Variants in PRDM1 observed in about 807,000 individuals in gnomAD.
PRDM1 encodes the protein PR/SET domain 1.
Under a neutral mutation model 62.8 loss-of-function variants are expected in PRDM1, and 13 were observed. That is an observed-to-expected ratio of 0.21 (90% confidence interval 0.13 to 0.33). The LOEUF (loss-of-function observed/expected upper bound fraction) is 0.33, where lower values mean the gene tolerates loss of function less well. PRDM1 is among the 10% of genes least tolerant of loss of function. PRDM1 has a pLI of 1.00. For missense variants in PRDM1, 895 were observed against 1,058.8 expected (o/e 0.85, Z 2.15); for synonymous variants, 396 against 417.6 (o/e 0.95, Z 0.63).
At chr6:106,010,717 G>A (rs1475340917) in intron 1 of PRDM1, among the ~76,000 whole-genome samples, 1 of 152,136 alleles carries the variant, frequency 6.6e-6, no homozygotes, top group Non-Finnish European at 1.5e-5. Flanking sequence ...ATTCTCTGAA[G>A]CATGACACCG....
intron 1 of PRDM1, among the ~76,000 whole-genome samples, chr6:106,079,616 G>C (rs1027861472): frequency 2.0e-5 from 3 of 152,186 alleles, no homozygotes; most frequent in Non-Finnish European, 2.9e-5. Flanking sequence ...TGGCCAACAT[G>C]GTAAAACCCT....
chr6:106,070,770 T>C (rs1773498882), intron 1 of PRDM1, among the ~76,000 whole-genome samples: 2 of 152,248 alleles, frequency 1.3e-5, no homozygotes, highest in South Asian at 4.1e-4. Flanking sequence ...ATTTGAATAG[T>C]AACCCTATGG....
At chr6:106,005,455 A>C (rs114669110) in intron 1 of PRDM1, among the ~76,000 whole-genome samples, 15 of 152,356 alleles carry the variant, frequency 9.8e-5, no homozygotes, top group African/African-American at 3.6e-4. Flanking sequence ...ATTTTGTTCA[A>C]ATCTTCCAAT....
rs777002137 is a variant in PRDM1, at chr6:106,105,064, C to T, written c.904C>T (p.Arg302Trp). 53 of 1,613,976 alleles carry T rather than the reference C, an allele frequency of 3.3e-5. No homozygotes were observed. The highest frequency in any genetic ancestry group is 4.3e-5 in the Non-Finnish European group (51 of 1,180,034). Reference protein sequence around the residue: ...PFYPRVVYPIRAPLPEDFLKA... With the variant: ...PFYPRVVYPIWAPLPEDFLKA... The stretch of plus-strand genomic sequence containing the variant: ...CTACCCTCGGGTCGTTTACCCCATC[C>T]GGGCCCCTCTGCCAGAAGACTTTTT... Residue 302 changes from arginine to tryptophan, a missense_variant, in exon 5 of 7, where the codon CGG (arginine) becomes TGG (tryptophan). Arg to Trp is a moderately radical substitution (Grantham distance 101). Transcript: ENST00000369096.
chr6:106,012,179 A>G (rs752920474), intron 1 of PRDM1, among the ~76,000 whole-genome samples: 223 of 136,258 alleles, frequency 1.6e-3, no homozygotes, highest in Non-Finnish European at 3.0e-3. Flanking sequence ...ACCACACTAC[A>G]CACACACACA....
At chr6:106,004,584 A>G (rs555621240) in intron 1 of PRDM1, among the ~76,000 whole-genome samples, 14 of 152,336 alleles carry the variant, frequency 9.2e-5, no homozygotes, top group African/African-American at 3.4e-4. Context: ...AGTTCAGAAG[A>G]TAATTTATCT....
chr6:106,105,275 A>T lies in PRDM1; in HGVS notation c.1115A>T (p.Asp372Val). ...GGCCCCGGCTCTCAAGAGCACCGGG[A>T]CTCCTACGCTTACTTGAACGCGTCC... ...PVGPGSQEHR[D>V]SYAYLNASYG... is the part of the protein sequence containing the mutation. Residue 372 changes from aspartate (D) to valine (V), a missense_variant, in exon 5 of 7, where the codon GAC becomes GTC. Coordinates refer to ENST00000369096, the MANE Select transcript of PRDM1 (RefSeq NM_001198.4). The T allele has an allele frequency of 6.2e-7, 1 of 1,613,520 alleles. No homozygotes were observed. The highest frequency in any genetic ancestry group is 1.1e-5 in the South Asian group (1 of 91,060).
chr6:106,046,174 A>C (rs1009864527), upstream of PRDM1: 1 of 152,262 alleles, frequency 6.6e-6, no homozygotes, highest in African/African-American at 2.4e-5. Context: ...CCTATTCAGA[A>C]AAGCCCTAAT....
chr6:106,109,546 CT>C lies in PRDM1; in HGVS notation c.*2065del, dbSNP rs1402312637. 1 of 233,674 alleles carries C rather than the reference CT, an allele frequency of 4.3e-6. No homozygotes were observed. Among genetic ancestry groups the C allele is most frequent in the African/African-American group, 2.2e-5 (1 of 45,462 alleles). 14.5% of individuals were successfully genotyped at this position (233,674 alleles called of 1,614,324 possible). A position where few individuals can be genotyped will look rare whatever the true frequency, so the allele number is the denominator to read the frequency against. On this transcript the variant is annotated 3_prime_UTR_variant, in exon 7 of 7. Transcript: ENST00000369096. ...CTTCTGTAACTTCCAAGACTGACAG[CT>C]TTTTATGTATCAGTGTTTGATAAAC...
At chr6:106,012,113 TCA>T (rs1772559326) in intron 1 of PRDM1, among the ~76,000 whole-genome samples, 1 of 78,770 alleles carries the variant, frequency 1.3e-5, no homozygotes, top group African/African-American at 5.1e-5. Context: ...CCCTCCACAT[TCA>T]TACACACACA....
At chr6:106,081,037 T>C (rs1428097216) in intron 1 of PRDM1, among the ~76,000 whole-genome samples, 2 of 152,232 alleles carry the variant, frequency 1.3e-5, no homozygotes, top group African/African-American at 4.8e-5. Flanking sequence ...GTTTCCCAGC[T>C]TTTCCTTAGT....
At chr6:106,014,058 A>ATTTTTTTTTTTTTTTTTTTTTTTTT in intron 1 of PRDM1, among the ~76,000 whole-genome samples, 1 of 105,104 alleles carries the variant, frequency 9.5e-6, no homozygotes, top group Non-Finnish European at 1.8e-5. Context: ...AGGACAAGGA[A>ATTTTTTTTTTTTTTTTTTTTTTTTT]TTTTTTTTTT....
At chr6:106,045,542 G>GTA (rs1773060855), upstream of PRDM1, 2 of 152,250 alleles carry the variant, frequency 1.3e-5, no homozygotes, top group South Asian at 4.2e-4. Flanking sequence ...GCTAATCTTT[G>GTA]TACAGTATTT....
intron 1 of PRDM1, among the ~76,000 whole-genome samples, chr6:106,020,669 T>C (rs892719031): frequency 6.6e-6 from 1 of 152,334 alleles, no homozygotes; most frequent in Non-Finnish European, 1.5e-5. Flanking sequence ...ACCATTTTTT[T>C]CCCCTATACT....
intron 3 of PRDM1, chr6:106,098,615 A>C: frequency 7.6e-7 from 1 of 1,319,432 alleles, no homozygotes; most frequent in Non-Finnish European, 1.0e-6. Flanking sequence ...CAAGAGGAAA[A>C]GTGACTTCTC....
At chr6:106,002,703 GA>G in intron 1 of PRDM1, among the ~76,000 whole-genome samples, 1 of 152,112 alleles carries the variant, frequency 6.6e-6, no homozygotes, top group South Asian at 2.1e-4. Context: ...TTGCCCACTA[GA>G]AGAAAAAATG....
At chr6:106,019,637 CT>C (rs754946092) in intron 1 of PRDM1, among the ~76,000 whole-genome samples, 172 of 132,898 alleles carry the variant, frequency 1.3e-3, no homozygotes, top group Admixed American at 3.5e-3. Context: ...TTTTTCTTTT[CT>C]TTTTTTTTTT....
intron 3 of PRDM1, chr6:106,098,591 CT>C: frequency 7.6e-7 from 1 of 1,310,912 alleles, no homozygotes; most frequent in African/African-American, 1.5e-5. Flanking sequence ...AAGTGCAAGT[CT>C]GGACATGTTT....
intron 1 of PRDM1, among the ~76,000 whole-genome samples, chr6:106,043,015 T>C (rs1773024977): frequency 6.6e-6 from 1 of 152,044 alleles, no homozygotes; most frequent in Non-Finnish European, 1.5e-5. Flanking sequence ...CACGCCCGGC[T>C]AATTTTTGTA....
Sources: gnomAD v4.1 joint callset for allele counts (sites outside exome capture counted in the v4.1 genomes callset) on GRCh38, gnomAD v4.1.1 for gene constraint, MANE v1.5 for transcripts, NCBI Gene and HGNC (gene_info 2026-07-23, HGNC 2026-07-21) for gene names.